CPB2: variants seen among roughly 807,000 people sequenced by gnomAD.
CPB2 encodes carboxypeptidase B-like protein.
In CPB2, 54 loss-of-function variants were observed where a neutral mutation model predicts 57.0. The observed-to-expected ratio is 0.95, with a 90% confidence interval of 0.76 to 1.19. The LOEUF (loss-of-function observed/expected upper bound fraction) is 1.19, where lower values mean the gene tolerates loss of function less well. Ranked by LOEUF, CPB2 falls within the 50% of genes most tolerant of loss-of-function variation. CPB2 has a pLI of 0.00. For missense variants in CPB2, 426 were observed against 512.0 expected, an observed-to-expected ratio of 0.83 and a Z score of 1.62; for synonymous variants, 189 against 178.1, an observed-to-expected ratio of 1.06 and a Z score of -0.49.
chr13:46,103,746 G>A (rs2045463311), intron 1 of CPB2, among the ~76,000 whole-genome samples: 1 of 152,108 alleles, frequency 6.6e-6, no homozygotes, highest in South Asian at 2.1e-4. Flanking sequence ...TGGACATGTT[G>A]ATACCAATTT....
intron 9 of CPB2, 47 bp downstream of exon 9, chr13:46,058,132 T>C (rs1381413991): frequency 1.8e-5 from 28 of 1,555,390 alleles, no homozygotes; most frequent in Non-Finnish European, 2.4e-5. Flanking sequence ...CTAAGTATTA[T>C]TTTATTTCCA....
intron 1 of CPB2, among the ~76,000 whole-genome samples, chr13:46,102,391 T>C (rs940820966): frequency 5.9e-5 from 9 of 152,198 alleles, no homozygotes; most frequent in Admixed American, 4.6e-4. Context: ...ATTTTTTGGC[T>C]GCCTTTCCCT....
chr13:46,064,603 C>G, intron 8 of CPB2, 45 bp downstream of exon 8: 1 of 1,467,214 alleles, frequency 6.8e-7, no homozygotes, highest in Non-Finnish European at 9.6e-7. Context: ...TGAACATCAC[C>G]CTTTCAGTGA....
chr13:46,099,658 G>C (rs2045409606), intron 1 of CPB2: 1 of 152,132 alleles, frequency 6.6e-6, no homozygotes, highest in South Asian at 2.1e-4. Flanking sequence ...TAGTAACTTG[G>C]ATATTGTGCT....
At chr13:46,078,649 C>T (rs953511258) in intron 5 of CPB2, 151 bp downstream of exon 5, 5 of 618,706 alleles carry the variant, frequency 8.1e-6, no homozygotes, top group Non-Finnish European at 1.4e-5. Context: ...AATAACCAAC[C>T]CCTAAATAGC....
At chr13:46,067,065 A>T (rs1386302238) in intron 7 of CPB2, among the ~76,000 whole-genome samples, 1 of 152,044 alleles carries the variant, frequency 6.6e-6, no homozygotes, top group African/African-American at 2.4e-5. Context: ...GGGTAGAGAG[A>T]ATACAGATGA....
intron 8 of CPB2, among the ~76,000 whole-genome samples, chr13:46,063,392 CT>C (rs1287301757): frequency 2.0e-5 from 3 of 152,108 alleles, no homozygotes; most frequent in Non-Finnish European, 4.4e-5. Flanking sequence ...CAGTGTTTAG[CT>C]TTTACTTATA....
intron 6 of CPB2, among the ~76,000 whole-genome samples, chr13:46,072,011 A>C (rs774729765): frequency 6.6e-6 from 1 of 152,234 alleles, no homozygotes; most frequent in Non-Finnish European, 1.5e-5. Context: ...ACTGGGTCCT[A>C]TGATGTGCCA....
chr13:46,063,010 C>A (rs568234885), intron 8 of CPB2, among the ~76,000 whole-genome samples: 1 of 152,180 alleles, frequency 6.6e-6, no homozygotes, highest in Non-Finnish European at 1.5e-5. Flanking sequence ...AATAGCTTCT[C>A]TCCCTTATGG....
chr13:46,097,482 T>C (rs1279653721), intron 1 of CPB2: 1 of 152,172 alleles, frequency 6.6e-6, no homozygotes. Context: ...AGCATCACCA[T>C]ACAAGGGCTT....
At chr13:46,074,040 C>A (rs2044984599) in intron 5 of CPB2, 63 bp from the exon 6 acceptor site, 1 of 899,008 alleles carries the variant, frequency 1.1e-6, no homozygotes, top group South Asian at 1.6e-5. Context: ...TAATAACTTT[C>A]ATTTATATAG....
At chr13:46,091,320 T>C (rs1259344611) in intron 1 of CPB2, among the ~76,000 whole-genome samples, 1 of 152,250 alleles carries the variant, frequency 6.6e-6, no homozygotes, top group Non-Finnish European at 1.5e-5. Context: ...TAATACGTTC[T>C]GCTTCTTTAA....
intron 9 of CPB2, among the ~76,000 whole-genome samples, chr13:46,057,204 A>G (rs1459782152): frequency 6.6e-6 from 1 of 152,076 alleles, no homozygotes; most frequent in East Asian, 1.9e-4. Context: ...ATCATGATAA[A>G]TTTCCTTTTA....
chr13:46,094,839 T>A (rs1273175941), intron 1 of CPB2: 1 of 152,178 alleles, frequency 6.6e-6, no homozygotes, highest in Non-Finnish European at 1.5e-5. Flanking sequence ...TCATAATCCA[T>A]TGCCCTTTTC....
intron 6 of CPB2, among the ~76,000 whole-genome samples, chr13:46,070,038 C>T (rs7331472): frequency 0.79 from 120,026 of 152,196 alleles, 47,681 homozygotes; most frequent in African/African-American, 0.88. Context: ...TATACAATGA[C>T]TTCACTTATG....
At chr13:46,057,800 A>G (rs2044717010) in intron 9 of CPB2, among the ~76,000 whole-genome samples, 1 of 152,176 alleles carries the variant, frequency 6.6e-6, no homozygotes, top group African/African-American at 2.4e-5. Flanking sequence ...TTGAGACTTA[A>G]TCTGTGGTGT....
At chr13:46,084,737 T>G (rs1453915215) in intron 2 of CPB2, among the ~76,000 whole-genome samples, 1 of 152,016 alleles carries the variant, frequency 6.6e-6, no homozygotes, top group Non-Finnish European at 1.5e-5. Flanking sequence ...TAATAAAAAT[T>G]TCATGTTCTT....
At chr13:46,084,364 T>C (rs781083825) in intron 2 of CPB2, 21 bp from the exon 3 acceptor site, 36 of 1,612,940 alleles carry the variant, frequency 2.2e-5, no homozygotes, top group Admixed American at 3.3e-5. Context: ...AGGGGCAAAA[T>C]TGATAAAATT....
intron 5 of CPB2, among the ~76,000 whole-genome samples, chr13:46,076,463 C>G (rs763104295): frequency 3.3e-5 from 5 of 150,004 alleles, no homozygotes; most frequent in Non-Finnish European, 7.4e-5. Context: ...CCATAGAACA[C>G]TGATGAAAGA....
Sources: allele counts gnomAD v4.1 joint callset (sites outside exome capture counted in the v4.1 genomes callset), GRCh38; gene constraint gnomAD v4.1.1; transcripts MANE v1.5; gene names NCBI Gene and HGNC (gene_info 2026-07-23, HGNC 2026-07-21).